The following SGTA variants were observed in gnomAD, a reference collection of about 807,000 sequenced individuals.
SGTA encodes the protein small glutamine-rich tetratricopeptide repeat-containing protein alpha.
Under a neutral mutation model 44.3 loss-of-function variants are expected in SGTA, and 22 were observed. The ratio of observed to expected loss-of-function variants is 0.50; its 90% CI spans 0.36 to 0.71. SGTA has a LOEUF of 0.71. Among genes scored for constraint, SGTA ranks in the 30% least tolerant of loss-of-function variants. SGTA has a pLI of 0.00. For missense variants in SGTA, 341 were observed against 435.9 expected (o/e 0.78, Z 1.94); for synonymous variants, 174 against 177.6 (o/e 0.98, Z 0.16).
Position 2,762,554 on chromosome 19 carries a change from C to T in SGTA, c.588G>A (p.Lys196=), listed in dbSNP as rs140948044. 1.3e-4 allele frequency: 203 copies of T among 1,614,134 alleles called. No individual in the cohort carries two copies. The highest frequency in any genetic ancestry group is 5.8e-4 in the Admixed American group (35 of 60,024). ...LELDPDNETY[K]SNLKIAELKL... ...TCAGCTCCGCTATCTTGAGGTTGGA[C>T]TTGTATGTCTCGTTGTCGGGGTCCA... The change falls in exon 7 of 12, where the codon AAG becomes AAA. Residue 196 remains lysine (K), a synonymous_variant. Coordinates refer to ENST00000221566, the MANE Select transcript of SGTA (RefSeq NM_003021.4).
At chr19:2,756,015 C>T (rs1209131393) in intron 11 of SGTA, 82 bp from the exon 12 acceptor site, 1 of 819,728 alleles carries the variant, frequency 1.2e-6, no homozygotes, top group Non-Finnish European at 1.5e-6. Flanking sequence ...GCAGGAGAGG[C>T]CCAGAGTGGA....
rs1373659706 is a variant in SGTA, at chr19:2,767,193, C to T, written c.235G>A (p.Ala79Thr). The T allele has an allele frequency of 4.3e-6, 7 of 1,612,236 alleles. No individual in the cohort carries two copies. The highest frequency in any genetic ancestry group is 2.2e-5 in the East Asian group (1 of 44,812). Reference protein sequence around the residue: ...KEMPQDLRSPARTPPSEEDSA... With the variant: ...KEMPQDLRSPTRTPPSEEDSA... Reference sequence around the variant, plus strand: ...TCCTCCTCGGAAGGCGGGGTTCGCGCGGGGCTCCTCAGGTCCTGCGGCATC... The same window carrying T: ...TCCTCCTCGGAAGGCGGGGTTCGCGTGGGGCTCCTCAGGTCCTGCGGCATC... The change falls in exon 4 of 12, where the codon GCG (alanine) becomes ACG (threonine). Residue 79 changes from alanine (A) to threonine (T), a missense_variant. By Grantham distance (58) the Ala-to-Thr change is moderately conservative. Transcript: ENST00000221566. This position sits in a 1 kb window ranked among gnomAD's most constrained non-coding sequence, Gnocchi z 7.3.
intron 1 of SGTA, among the ~76,000 whole-genome samples, chr19:2,769,296 G>A (rs1378867134): frequency 1.3e-5 from 2 of 152,192 alleles, no homozygotes; most frequent in Admixed American, 6.5e-5. Context: ...TATGCACACA[G>A]CCAGAAAGTG....
chr19:2,774,109 G>A (rs528815459), intron 1 of SGTA, among the ~76,000 whole-genome samples: 6 of 152,350 alleles, frequency 3.9e-5, no homozygotes, highest in South Asian at 4.1e-4. Flanking sequence ...GAGAGACGAT[G>A]AACTCTGTTT....
Position 2,762,650 on chromosome 19 carries a change from G to A in SGTA, c.498-6C>T, listed in dbSNP as rs773594629. 5.0e-5 allele frequency: 81 copies of A among 1,613,728 alleles called. 2 individuals carry two copies. In the South Asian group the frequency reaches 7.2e-4, roughly 14 times the overall value. On this transcript the variant is annotated splice_region_variant and splice_polypyrimidine_tract_variant and intron_variant, in intron 6 of 11. Coordinates refer to ENST00000221566, the MANE Select transcript of SGTA (RefSeq NM_003021.4). ...TGAGGCTGGAGAGCGCCAGGCTGGA[G>A]GAGAGCACCGGGGATGGACTGTTCC...
intron 9 of SGTA, among the ~76,000 whole-genome samples, chr19:2,758,677 T>C (rs992959100): frequency 1.3e-5 from 2 of 152,186 alleles, no homozygotes; most frequent in African/African-American, 4.8e-5. Context: ...CACAGACGAT[T>C]GCACACCCGT....
At chr19:2,776,136 C>T (rs1915440717) in intron 1 of SGTA, among the ~76,000 whole-genome samples, 1 of 152,220 alleles carries the variant, frequency 6.6e-6, no homozygotes, top group African/African-American at 2.4e-5. Context: ...CCCCGGCCAA[C>T]AGGGTTCAGA....
rs549497653 is a variant in SGTA at position 2,768,495 on chromosome 19, C to T, written c.100+474G>A. Among the ~76,000 whole-genome samples, 3 of 152,298 alleles carry T rather than the reference C, an allele frequency of 2.0e-5. No individual in the cohort carries two copies. In the South Asian group the frequency reaches 6.2e-4, roughly 32 times the overall value. On this transcript the variant is annotated intron_variant, in intron 2 of 11. Coordinates refer to ENST00000221566, the MANE Select transcript of SGTA (RefSeq NM_003021.4). ...CGAGCCCTCCTTTCCCTCCGAGCCC[C>T]GGATCCAGGTGTCGCAGAAGCGCAA... is the stretch of plus-strand genomic sequence containing the variant.
At chr19:2,780,349 T>A (rs1915544530) in intron 1 of SGTA, among the ~76,000 whole-genome samples, 3 of 151,992 alleles carry the variant, frequency 2.0e-5, no homozygotes, top group Admixed American at 2.0e-4. Context: ...GATACCCGAG[T>A]TCTAGCTCAG....
intron 1 of SGTA, among the ~76,000 whole-genome samples, chr19:2,775,684 G>A (rs947470034): frequency 1.3e-5 from 2 of 152,188 alleles, no homozygotes; most frequent in Admixed American, 1.3e-4. Context: ...GCTTGGGGAG[G>A]GGAAGGGGAG....
At chr19:2,759,699 G>A (rs527925951) in intron 8 of SGTA, among the ~76,000 whole-genome samples, 86 of 152,288 alleles carry the variant, frequency 5.6e-4, no homozygotes, top group African/African-American at 1.9e-3. Context: ...GGTGGTTCAC[G>A]CCTGGAATCC....
At chr19:2,766,052 C>T (rs957032565) in intron 4 of SGTA, among the ~76,000 whole-genome samples, 2 of 152,098 alleles carry the variant, frequency 1.3e-5, no homozygotes, top group Non-Finnish European at 2.9e-5. Context: ...CCTGTCTCTA[C>T]TAGAAATACA....
At position 2,755,917 on chromosome 19, in the gene SGTA, G is replaced by A. The variant is rs1012815190; in HGVS notation, c.*23C>T. The A allele has an allele frequency of 1.2e-4, 121 of 985,756 alleles. No individual in the cohort carries two copies. The highest frequency in any genetic ancestry group is 1.0e-3 in the Middle Eastern group (2 of 1,936). The allele number at this position is 985,756 out of a possible 1,614,324, so 61.1% of individuals were successfully genotyped here. ...CTTCGGGTCGGCCAGGGAAGGACGCGGTCACACCGGGAGCAGCTGGAAGGG... is the reference window on the plus strand; with the variant it reads ...CTTCGGGTCGGCCAGGGAAGGACGCAGTCACACCGGGAGCAGCTGGAAGGG... On this transcript the variant is annotated 3_prime_UTR_variant, in exon 12 of 12. Coordinates refer to ENST00000221566, the MANE Select transcript of SGTA (RefSeq NM_003021.4). This position sits in a 1 kb window ranked among gnomAD's most constrained non-coding sequence, Gnocchi z 5.2.
chr19:2,774,825 A>T (rs60703359), intron 1 of SGTA, among the ~76,000 whole-genome samples: 2,549 of 151,974 alleles, frequency 0.017, 67 homozygotes, highest in African/African-American at 0.057. Context: ...GATTCTACTG[A>T]CCCACTGGAT....
In SGTA at chr19:2,756,185, G is replaced by C. The variant is rs8101456; in HGVS notation, c.*7-252C>G. On this transcript the variant is annotated intron_variant, in intron 11 of 11. Transcript: ENST00000221566. ...GTGGTACTTTGTGTATGAGGTTACG[G>C]TGGTAAAAAATCCACCTCAACTATT... Among the ~76,000 whole-genome samples, 152 of 151,780 alleles carry C rather than the reference G, an allele frequency of 1.0e-3. 6 individuals are homozygous for C. The East Asian group carries it at 0.024, about 24-fold the overall frequency.
At position 2,755,863 on chromosome 19, in the gene SGTA, G is replaced by A. The variant is rs1418302037; in HGVS notation, c.*77C>T. ...TCCCCTCTCTCAGGCAGTCCAACAG[G>A]AGGAAGTGGCAGACAACCAGAAGGC... On this transcript the variant is annotated 3_prime_UTR_variant, in exon 12 of 12. Transcript: ENST00000221566. This position sits in a 1 kb window ranked among gnomAD's most constrained non-coding sequence, Gnocchi z 5.2. 3.0e-6 allele frequency: 3 copies of A among 985,524 alleles called. No individual in the cohort carries two copies. In the African/African-American group the frequency reaches 5.2e-5, roughly 17 times the overall value. 61.0% of individuals were successfully genotyped at this position (985,524 alleles called of 1,614,324 possible).
At chr19:2,774,747 G>A (rs1257148834) in intron 1 of SGTA, among the ~76,000 whole-genome samples, 3 of 152,152 alleles carry the variant, frequency 2.0e-5, no homozygotes, top group Non-Finnish European at 4.4e-5. Context: ...CTCCCAAAGC[G>A]CTGGGATCAC....
intron 8 of SGTA, among the ~76,000 whole-genome samples, chr19:2,760,872 G>C (rs897034965): frequency 6.6e-6 from 1 of 152,200 alleles, no homozygotes; most frequent in African/African-American, 2.4e-5. Context: ...TGAGGCTGTG[G>C]GAGCCTGAAG....
chr19:2,764,043 A>G (rs1915074568), intron 5 of SGTA, among the ~76,000 whole-genome samples: 1 of 152,244 alleles, frequency 6.6e-6, no homozygotes, highest in South Asian at 2.1e-4. Context: ...CAATGAGGGT[A>G]GGGAACTTAT....
Sources: gnomAD v4.1 joint callset for allele counts (sites outside exome capture counted in the v4.1 genomes callset) on GRCh38, gnomAD v4.1.1 for gene constraint, Gnocchi (gnomAD v3.1) non-coding constraint, MANE v1.5 for transcripts, NCBI Gene and HGNC (gene_info 2026-07-23, HGNC 2026-07-21) for gene names.